Variants in DPP6 observed in about 807,000 individuals in gnomAD.
DPP6 encodes the protein A-type potassium channel modulatory protein DPP6.
In DPP6, 69 loss-of-function variants were observed where a neutral mutation model predicts 122.6. The observed-to-expected ratio is 0.56, with a 90% CI of 0.46 to 0.69. The LOEUF (loss-of-function observed/expected upper bound fraction) is 0.69, where lower values mean the gene tolerates loss of function less well. DPP6 is among the 30% of genes least tolerant of loss of function. DPP6 has a pLI of 0.00. For missense variants in DPP6, 928 were observed against 1,116.9 expected, an observed-to-expected ratio of 0.83 and a Z score of 2.41; for synonymous variants, 418 against 433.1, an observed-to-expected ratio of 0.97 and a Z score of 0.43.
intron 1 of DPP6, among the ~76,000 whole-genome samples, chr7:154,085,544 T>C (rs928353888): frequency 6.6e-6 from 1 of 152,174 alleles, no homozygotes; most frequent in African/African-American, 2.4e-5. Context: ...AGTAAGTTCT[T>C]TGTTGTACTC....
At chr7:154,801,228 A>C in intron 12 of DPP6, 127 bp from the exon 13 acceptor site, 1 of 1,344,878 alleles carries the variant, frequency 7.4e-7, no homozygotes, top group Non-Finnish European at 1.0e-6. Flanking sequence ...AGCACTTATT[A>C]TTTCAACTGT....
rs1287045945 is a variant in DPP6, at chr7:154,889,333, C to T, written c.2366C>T (p.Pro789Leu). 6.2e-7 allele frequency: 1 copy of T among 1,612,796 alleles called. No homozygotes were observed. The highest frequency in any genetic ancestry group is 8.5e-7 in the Non-Finnish European group (1 of 1,179,658). ...LEEQQFLIIH[P>L]TADEKIHFQH... ...GAACAGCAGTTCCTGATCATTCATCCCACTGCCGATGGTAAGGACTGAAAA... is the reference window on the plus strand; with the variant it reads ...GAACAGCAGTTCCTGATCATTCATCTCACTGCCGATGGTAAGGACTGAAAA... Residue 789 changes from proline to leucine, a missense_variant, in exon 24 of 26, where the codon CCC becomes CTC. Physicochemically the swap from Pro to Leu is moderately conservative, Grantham distance 98 (BLOSUM62 -3). Coordinates refer to ENST00000377770, the MANE Select transcript of DPP6 (RefSeq NM_130797.4).
intron 16 of DPP6, among the ~76,000 whole-genome samples, chr7:154,851,505 C>T (rs924440303): frequency 6.6e-6 from 1 of 152,038 alleles, no homozygotes; most frequent in Non-Finnish European, 1.5e-5. Flanking sequence ...ACTTGAGCTC[C>T]CCATGGGGGG....
chr7:154,097,445 A>G (rs1463427955), intron 1 of DPP6, among the ~76,000 whole-genome samples: 1 of 152,260 alleles, frequency 6.6e-6, no homozygotes, highest in Non-Finnish European at 1.5e-5. Flanking sequence ...GCTCCAGCAT[A>G]GCTGGACAGG....
At chr7:154,274,650 G>A (rs1296288645) in intron 1 of DPP6, among the ~76,000 whole-genome samples, 6 of 151,964 alleles carry the variant, frequency 3.9e-5, no homozygotes, top group South Asian at 4.2e-4. Context: ...TGCAAAATAC[G>A]TTTTTTTTCT....
chr7:154,431,126 C>G (rs773576225), intron 1 of DPP6, among the ~76,000 whole-genome samples: 1 of 152,170 alleles, frequency 6.6e-6, no homozygotes, highest in African/African-American at 2.4e-5. Context: ...GAAGGAGGAA[C>G]GCAAAGGCCT....
chr7:154,456,640 G>T (rs1453201294), intron 2 of DPP6, among the ~76,000 whole-genome samples: 1 of 152,032 alleles, frequency 6.6e-6, no homozygotes, highest in East Asian at 1.9e-4. Context: ...CCAAAAGGGG[G>T]CCTTTTGTGG....
chr7:154,858,837 A>T (rs1255785408), intron 17 of DPP6, among the ~76,000 whole-genome samples: 3 of 152,144 alleles, frequency 2.0e-5, no homozygotes, highest in Non-Finnish European at 2.9e-5. Context: ...TTGGCTAGCC[A>T]TCCATTATTC....
chr7:154,049,427 C>T (rs1192135450), upstream of DPP6, among the ~76,000 whole-genome samples: 1 of 117,182 alleles, frequency 8.5e-6, no homozygotes, highest in Non-Finnish European at 1.9e-5. Context: ...AATTGTATCA[C>T]TTCACTTATT....
intron 5 of DPP6, among the ~76,000 whole-genome samples, chr7:154,615,431 T>C (rs1359149588): frequency 6.6e-6 from 1 of 152,236 alleles, no homozygotes; most frequent in Non-Finnish European, 1.5e-5. Flanking sequence ...TCTTTCCAAA[T>C]GACTATTAAT....
chr7:154,637,853 C>G lies in DPP6; in HGVS notation c.660C>G (p.Val220=), dbSNP rs1344581298. Residue 220 remains valine, a synonymous_variant, in exon 6 of 26, where the codon GTC becomes GTG. Transcript: ENST00000377770. ...IYQHSYTGYY[V]LSKIPHGDPQ... ...AACACTCGTATACTGGATATTACGT[C>G]CTGAGCAAAATTCCTCATGGGTAAG... 5 of 1,578,122 alleles carry G rather than the reference C, an allele frequency of 3.2e-6. No individual in the cohort carries two copies. The Admixed American group carries it at 9.2e-5, about 29-fold the overall frequency.
At chr7:154,300,496 C>G (rs1805832750) in intron 1 of DPP6, among the ~76,000 whole-genome samples, 1 of 152,180 alleles carries the variant, frequency 6.6e-6, no homozygotes, top group Admixed American at 6.5e-5. Flanking sequence ...ATAGCAAGAC[C>G]CCTTGAGCTG....
intron 18 of DPP6, among the ~76,000 whole-genome samples, chr7:154,869,235 C>T (rs1804163810): frequency 6.6e-6 from 1 of 152,128 alleles, no homozygotes; most frequent in African/African-American, 2.4e-5. Context: ...CGCCTGGAGC[C>T]TAGGGTATTC....
intron 1 of DPP6, among the ~76,000 whole-genome samples, chr7:154,217,745 G>A (rs1800084777): frequency 6.6e-6 from 1 of 152,108 alleles, no homozygotes; most frequent in Non-Finnish European, 1.5e-5. Flanking sequence ...CTCTGACAGG[G>A]GCACAGTGAA....
chr7:154,458,146 C>G (rs1175391332), intron 2 of DPP6, among the ~76,000 whole-genome samples: 1 of 152,192 alleles, frequency 6.6e-6, no homozygotes, highest in Non-Finnish European at 1.5e-5. Flanking sequence ...TGGCTGTATC[C>G]TCACCCAAAT....
At chr7:153,950,552 C>T (rs1802162218) in intron 1 of DPP6, among the ~76,000 whole-genome samples, 1 of 152,022 alleles carries the variant, frequency 6.6e-6, no homozygotes, top group Non-Finnish European at 1.5e-5. Flanking sequence ...GATAAAGAAG[C>T]GGTATTGAGA....
At chr7:154,333,185 C>T (rs1465242063) in intron 1 of DPP6, among the ~76,000 whole-genome samples, 1 of 152,024 alleles carries the variant, frequency 6.6e-6, no homozygotes, top group Non-Finnish European at 1.5e-5. Context: ...CTGTTCTATA[C>T]TCTGTAGCCC....
chr7:153,878,855 A>T, the DPP6 span, among the ~76,000 whole-genome samples: 6 of 152,116 alleles, frequency 3.9e-5, no homozygotes, highest in Non-Finnish European at 5.9e-5. Context: ...AGCACGAAAA[A>T]ATCTCTGTGC....
Position 154,376,863 on chromosome 7 carries a change from AGAG to A in DPP6, c.244-69347_244-69345del, listed in dbSNP as rs529828675. Among the ~76,000 whole-genome samples, 44 of 152,316 alleles carry A rather than the reference AGAG, an allele frequency of 2.9e-4. No homozygotes were observed. The South Asian group carries it at 9.1e-3, about 32-fold the overall frequency. ...ACTGGGGAATTTTTCTCGTCTAATA[AGAG>A]GAGAAATTGTTTGGTACAGTAGAAA... On this transcript the variant is annotated intron_variant, in intron 1 of 25. Transcript: ENST00000377770.
Sources: allele counts gnomAD v4.1 joint callset (sites outside exome capture counted in the v4.1 genomes callset), GRCh38; gene constraint gnomAD v4.1.1; transcripts MANE v1.5; gene names NCBI Gene and HGNC (gene_info 2026-07-23, HGNC 2026-07-21).